RANBP2: variants seen among roughly 807,000 people sequenced by gnomAD.
RANBP2 encodes RAN binding protein 2.
In RANBP2, 57 loss-of-function variants were observed where a neutral mutation model predicts 303.6. The ratio of observed to expected loss-of-function variants is 0.19; its 90% CI spans 0.15 to 0.23. The LOEUF is 0.23. RANBP2 is among the 10% of genes least tolerant of loss of function. The pLI, the probability that RANBP2 is intolerant of heterozygous loss-of-function variation, is 1.00. For synonymous variants in RANBP2, 1,167 were observed against 1,301.5 expected (o/e 0.90, Z 2.23); for missense variants, 3,138 against 3,780.8 (o/e 0.83, Z 4.46).
At chr2:108,855,614 ATGTTGG>A in the RANBP2 span, among the ~76,000 whole-genome samples, 1 of 152,196 alleles carries the variant, frequency 6.6e-6, no homozygotes, top group Non-Finnish European at 1.5e-5. Context: ...AAGTACAGTA[ATGTTGG>A]TGTTCCTTGA....
the RANBP2 span, among the ~76,000 whole-genome samples, chr2:109,064,709 A>C: frequency 0.2 from 31,136 of 152,054 alleles, 3,570 homozygotes; most frequent in African/African-American, 0.31. Context: ...TTTCTGAGTA[A>C]AACCTTCTGG....
the RANBP2 span, among the ~76,000 whole-genome samples, chr2:109,570,351 A>C: frequency 5.9e-5 from 9 of 152,280 alleles, no homozygotes; most frequent in African/African-American, 2.2e-4. Context: ...AATGCTCATT[A>C]ATGTCTTTAC....
chr2:109,711,660 C>A, the RANBP2 span, among the ~76,000 whole-genome samples: 2 of 152,316 alleles, frequency 1.3e-5, no homozygotes, highest in South Asian at 2.1e-4. Context: ...CTCCAACAAG[C>A]TGTGCACCAG....
chr2:109,533,742 C>T, the RANBP2 span, among the ~76,000 whole-genome samples: 2 of 152,200 alleles, frequency 1.3e-5, no homozygotes, highest in Non-Finnish European at 2.9e-5. Flanking sequence ...AGAAAAGCAG[C>T]CTTTACTATG....
At chr2:109,138,189 G>C in the RANBP2 span, among the ~76,000 whole-genome samples, 1 of 152,142 alleles carries the variant, frequency 6.6e-6, no homozygotes, top group Non-Finnish European at 1.5e-5. Flanking sequence ...CTAACGCCCG[G>C]CTAATTTTTT....
At chr2:108,723,517 C>T (rs1455466331) in intron 1 of RANBP2, among the ~76,000 whole-genome samples, 13 of 151,994 alleles carry the variant, frequency 8.6e-5, no homozygotes, top group African/African-American at 2.4e-4. Context: ...CCTCATGATC[C>T]GCCCGCCTCA....
chr2:109,324,891 G>A, the RANBP2 span, among the ~76,000 whole-genome samples: 5 of 152,226 alleles, frequency 3.3e-5, no homozygotes, highest in Non-Finnish European at 4.4e-5. Flanking sequence ...TGGAAGGAAC[G>A]GTGGAGCTGT....
chr2:109,166,127 G>A, the RANBP2 span, among the ~76,000 whole-genome samples: 1 of 152,220 alleles, frequency 6.6e-6, no homozygotes, highest in Non-Finnish European at 1.5e-5. Context: ...CAGGCACAAA[G>A]AAGTAGTGCA....
chr2:108,744,786 G>A lies in RANBP2; in HGVS notation c.976-1925G>A, dbSNP rs372714104. On this transcript the variant is annotated intron_variant, in intron 7 of 28. Transcript: ENST00000283195. ...CTGGCGGCTCTTAAGAATATGCTAT[G>A]AAGACTCCTTTCTGTTCCCTAGTTA... 5.9e-5 allele frequency among the ~76,000 whole-genome samples: 9 copies of A among 152,186 alleles called. No individual in the cohort carries two copies. In the East Asian group the frequency reaches 7.7e-4, roughly 13 times the overall value.
chr2:108,868,079 C>G, the RANBP2 span, among the ~76,000 whole-genome samples: 1 of 152,106 alleles, frequency 6.6e-6, no homozygotes, highest in African/African-American at 2.4e-5. Flanking sequence ...TAATCATTAC[C>G]AAAGAGTGTG....
chr2:109,162,624 CATT>C, the RANBP2 span, among the ~76,000 whole-genome samples: 1 of 152,128 alleles, frequency 6.6e-6, no homozygotes, highest in African/African-American at 2.4e-5. Context: ...TCCAGTCTAT[CATT>C]GTTGGACATT....
the RANBP2 span, among the ~76,000 whole-genome samples, chr2:109,493,375 C>T: frequency 6.6e-6 from 1 of 151,392 alleles, no homozygotes; most frequent in Admixed American, 6.6e-5. Flanking sequence ...CCACACACTG[C>T]AAACACACAT....
chr2:109,598,477 C>CT, the RANBP2 span, among the ~76,000 whole-genome samples: 1 of 152,094 alleles, frequency 6.6e-6, no homozygotes, highest in East Asian at 1.9e-4. Context: ...TCTATGAGGT[C>CT]TTTTTTGGCA....
the RANBP2 span, among the ~76,000 whole-genome samples, chr2:109,598,298 C>G: frequency 6.6e-6 from 1 of 152,002 alleles, no homozygotes; most frequent in Non-Finnish European, 1.5e-5. Flanking sequence ...GAACTCCCAA[C>G]CTCAGGTGAT....
chr2:108,757,880 TAATA>T (rs1271397038), intron 17 of RANBP2, among the ~76,000 whole-genome samples: 3 of 152,182 alleles, frequency 2.0e-5, no homozygotes, highest in Non-Finnish European at 4.4e-5. Context: ...AGGTGAGAGT[TAATA>T]AATTAGGTTT....
At chr2:109,440,176 G>A in the RANBP2 span, among the ~76,000 whole-genome samples, 1 of 152,216 alleles carries the variant, frequency 6.6e-6, no homozygotes, top group Admixed American at 6.5e-5. Context: ...AGAAGGAGAA[G>A]TCCAGTGTGT....
At chr2:109,122,764 A>G in the RANBP2 span, among the ~76,000 whole-genome samples, 2 of 152,140 alleles carry the variant, frequency 1.3e-5, no homozygotes, top group Non-Finnish European at 2.9e-5. Context: ...CCAGCTACTC[A>G]GTAGGCTGAA....
the RANBP2 span, among the ~76,000 whole-genome samples, chr2:109,405,350 G>A: frequency 3.9e-5 from 6 of 152,006 alleles, no homozygotes; most frequent in East Asian, 1.9e-4. Context: ...AATACCCTTC[G>A]TCTTCCCCAA....
At chr2:109,428,462 G>A in the RANBP2 span, among the ~76,000 whole-genome samples, 8 of 152,194 alleles carry the variant, frequency 5.3e-5, no homozygotes, top group African/African-American at 1.4e-4. Context: ...CAGCCGAGTC[G>A]GCCCAGCCGC....
Sources: allele counts gnomAD v4.1 joint callset (sites outside exome capture counted in the v4.1 genomes callset), GRCh38; gene constraint gnomAD v4.1.1; transcripts MANE v1.5; gene names NCBI Gene and HGNC (gene_info 2026-07-23, HGNC 2026-07-21).